Variants in PCDH7 observed in about 807,000 individuals in gnomAD.
The protein encoded by PCDH7 is protocadherin-7.
PCDH7 carries 17 observed loss-of-function variants against 58.9 expected under a neutral mutation model. The ratio of observed to expected loss-of-function variants is 0.29; its 90% confidence interval spans 0.20 to 0.43. PCDH7 has a LOEUF of 0.43. Among genes scored for constraint, PCDH7 ranks in the 20% least tolerant of loss-of-function variants. The probability of loss-of-function intolerance (pLI) is 1.00; values close to 1 mark genes in which losing one functional copy is unlikely to be tolerated. For missense variants in PCDH7, 1,274 were observed against 1,441.0 expected, an observed-to-expected ratio of 0.88 and a Z score of 1.88; for synonymous variants, 664 against 616.4, an observed-to-expected ratio of 1.08 and a Z score of -1.14.
intron 3 of PCDH7, among the ~76,000 whole-genome samples, chr4:30,995,093 A>C (rs1362622545): frequency 6.6e-6 from 1 of 152,228 alleles, no homozygotes; most frequent in Non-Finnish European, 1.5e-5. Flanking sequence ...TATCATTTTA[A>C]ATTTTTTAAA....
chr4:31,031,262 G>A (rs867640039), intron 3 of PCDH7, among the ~76,000 whole-genome samples: 8 of 152,164 alleles, frequency 5.3e-5, no homozygotes, highest in Non-Finnish European at 1.0e-4. Context: ...AGACATTTTT[G>A]TTTGTCACAA....
intron 1 of PCDH7, among the ~76,000 whole-genome samples, chr4:30,823,593 G>T (rs1341523617): frequency 6.7e-6 from 1 of 149,856 alleles, no homozygotes; most frequent in African/African-American, 2.4e-5. Flanking sequence ...TCGGCGTACA[G>T]GGGTCTTTGA....
In PCDH7 at chr4:31,074,784, C is replaced by CAAAAAAAAAAAAA. The variant is rs1157267696; in HGVS notation, c.*8-67678_*8-67666dup. Among the ~76,000 whole-genome samples the CAAAAAAAAAAAAA allele has an allele frequency of 2.4e-3, 124 of 52,468 alleles. 22 individuals are homozygous for CAAAAAAAAAAAAA. In the East Asian group the frequency reaches 0.041, roughly 17 times the overall value. 34.4% of individuals were successfully genotyped at this position (52,468 alleles called of 152,430 possible). ...TGGGCTACAGAGGGAGATTCCGTCT[C>CAAAAAAAAAAAAA]AAAAAAAAAAAAAAAAAAAAAAAGC... On this transcript the variant is annotated intron_variant, in intron 3 of 3. Coordinates refer to the PCDH7 transcript ENST00000509759.
At chr4:30,864,439 A>ACACACACACACACG (rs1734619171) in intron 1 of PCDH7, among the ~76,000 whole-genome samples, 1 of 144,748 alleles carries the variant, frequency 6.9e-6, no homozygotes, top group South Asian at 2.3e-4. Context: ...GAGAACACAC[A>ACACACACACACACG]CACACACACA....
At chr4:31,096,019 A>G (rs371119008) in intron 3 of PCDH7, among the ~76,000 whole-genome samples, 3 of 152,306 alleles carry the variant, frequency 2.0e-5, no homozygotes, top group African/African-American at 7.2e-5. Context: ...ATCTAGGCAA[A>G]TAGCTGCTGT....
chr4:30,996,339 G>A (rs1751898000), intron 3 of PCDH7, among the ~76,000 whole-genome samples: 1 of 152,184 alleles, frequency 6.6e-6, no homozygotes, highest in South Asian at 2.1e-4. Flanking sequence ...TGTTTGCAAT[G>A]TTCCTCAGGT....
chr4:30,968,380 AT>A (rs1749225411), intron 3 of PCDH7, among the ~76,000 whole-genome samples: 1 of 45,690 alleles, frequency 2.2e-5, no homozygotes, highest in Non-Finnish European at 3.7e-5. Flanking sequence ...CACACACTAT[AT>A]ATATATATAT....
intron 1 of PCDH7, among the ~76,000 whole-genome samples, chr4:30,785,174 A>G (rs1466768114): frequency 2.0e-5 from 3 of 152,038 alleles, no homozygotes; most frequent in African/African-American, 7.2e-5. Context: ...ATCATACCAT[A>G]TATAAGAAAA....
intron 3 of PCDH7, among the ~76,000 whole-genome samples, chr4:31,091,404 T>C (rs909997089): frequency 3.3e-5 from 5 of 151,872 alleles, no homozygotes; most frequent in Admixed American, 1.3e-4. Context: ...TATTAAAATA[T>C]AAAAAATGAG....
rs543854586 is a variant in PCDH7 at position 31,111,138 on chromosome 4, A to T, written c.*8-31335A>T. Reference sequence around the variant, plus strand: ...ATTCATAATGTACAATATATGGTTCATATTTATTCTAGGTAATTATTATTA... The same window carrying T: ...ATTCATAATGTACAATATATGGTTCTTATTTATTCTAGGTAATTATTATTA... On this transcript the variant is annotated intron_variant, in intron 3 of 3. Transcript: ENST00000509759. Among the ~76,000 whole-genome samples the T allele has an allele frequency of 3.0e-4, 45 of 152,246 alleles. 1 individual carries two copies. The highest frequency in any genetic ancestry group is 1.0e-3 in the African/African-American group (43 of 41,548).
At chr4:31,103,762 T>C (rs1416029181) in intron 3 of PCDH7, among the ~76,000 whole-genome samples, 1 of 152,182 alleles carries the variant, frequency 6.6e-6, no homozygotes, top group African/African-American at 2.4e-5. Flanking sequence ...GTTCCTCCAA[T>C]AATGGATCTC....
In PCDH7 at chr4:30,722,782, G is replaced by A. The variant is rs748828663; in HGVS notation, c.1360G>A (p.Glu454Lys). The stretch of plus-strand genomic sequence containing the variant: ...GCAGGTGTCCGACCGAGACCAAGGC[G>A]AGAACGGGGTGGTCACCTGCACCGT... Residue 454 changes from glutamate (E) to lysine (K), a missense_variant, in exon 1 of 2, where the codon GAG becomes AAG. Glu to Lys is a moderately conservative substitution (Grantham distance 56). Transcript: ENST00000361762. The surrounding 1 kb of genome is among the most constrained non-coding windows in gnomAD (Gnocchi z 7.6). 5 of 1,613,530 alleles carry A rather than the reference G, an allele frequency of 3.1e-6. No individual in the cohort carries two copies. The African/African-American group carries it at 4.0e-5, about 13-fold the overall frequency.
chr4:31,080,929 T>C lies in PCDH7; in HGVS notation c.*8-61544T>C, dbSNP rs558700969. On this transcript the variant is annotated intron_variant, in intron 3 of 3. Coordinates refer to the PCDH7 transcript ENST00000509759. ...AGATGTGATGATTTTATAAGGGGTT[T>C]CCCCTTTCGCTTGGCTTTCATTCTC... 3.4e-4 allele frequency among the ~76,000 whole-genome samples: 52 copies of C among 152,316 alleles called. 1 individual carries two copies. The highest frequency in any genetic ancestry group is 1.5e-3 in the South Asian group (7 of 4,822).
intron 3 of PCDH7, among the ~76,000 whole-genome samples, chr4:30,958,768 CATAA>C (rs1398465668): frequency 5.9e-5 from 9 of 151,664 alleles, no homozygotes; most frequent in East Asian, 3.9e-4. Flanking sequence ...CCAGTCATTT[CATAA>C]ATAAACTATT....
rs1037046677 is a variant in PCDH7 at position 30,721,239 on chromosome 4, C to T, written c.-184C>T. 2 of 557,648 alleles carry T rather than the reference C, an allele frequency of 3.6e-6. No homozygotes were observed. Among genetic ancestry groups the T allele is most frequent in the East Asian group, 3.1e-5 (1 of 32,308 alleles). 34.5% of individuals were successfully genotyped at this position (557,648 alleles called of 1,614,324 possible). The stretch of plus-strand genomic sequence containing the variant: ...GAAAAAAAGAAGCATCTATCGCTGC[C>T]CTCCCACCCCCATTCCCGGCCAACT... On this transcript the variant is annotated 5_prime_UTR_variant, in exon 1 of 2. Coordinates refer to ENST00000361762, the Ensembl canonical transcript of PCDH7. The surrounding 1 kb of genome is among the most constrained non-coding windows in gnomAD (Gnocchi z 6.7).
At chr4:30,970,544 C>T (rs987285307) in intron 3 of PCDH7, among the ~76,000 whole-genome samples, 2 of 152,166 alleles carry the variant, frequency 1.3e-5, no homozygotes, top group Non-Finnish European at 1.5e-5. Flanking sequence ...CCCCCCGCCT[C>T]GGCCTCCCAA....
chr4:30,758,716 C>G (rs1039516711), intron 1 of PCDH7, among the ~76,000 whole-genome samples: 1 of 152,124 alleles, frequency 6.6e-6, no homozygotes, highest in African/African-American at 2.4e-5. Flanking sequence ...GCAGGTATTG[C>G]ACTAAGTATT....
chr4:30,806,303 C>G (rs1232464258), intron 1 of PCDH7, among the ~76,000 whole-genome samples: 2 of 151,922 alleles, frequency 1.3e-5, no homozygotes, highest in African/African-American at 4.8e-5. Flanking sequence ...TCAAACATGC[C>G]TAAAGATTTC....
chr4:30,983,007 A>G (rs993935192), intron 3 of PCDH7, among the ~76,000 whole-genome samples: 3 of 152,236 alleles, frequency 2.0e-5, no homozygotes, highest in African/African-American at 7.2e-5. Flanking sequence ...CAAGTTTGTC[A>G]TATAGGTAAG....
Sources: allele counts gnomAD v4.1 joint callset (sites outside exome capture counted in the v4.1 genomes callset), GRCh38; gene constraint gnomAD v4.1.1; non-coding constraint Gnocchi (gnomAD v3.1); transcripts MANE v1.5; gene names NCBI Gene and HGNC (gene_info 2026-07-23, HGNC 2026-07-21).